The following SDK1 variants were observed in gnomAD, a reference collection of about 807,000 sequenced individuals.
SDK1 encodes protein sidekick-1.
SDK1 carries 157 observed loss-of-function variants against 245.5 expected under a neutral mutation model. The observed-to-expected ratio is 0.64, with a 90% CI of 0.56 to 0.73. The LOEUF is 0.73. Among genes scored for constraint, SDK1 ranks in the 30% least tolerant of loss-of-function variants. The pLI, the probability that SDK1 is intolerant of heterozygous loss-of-function variation, is 0.00. For synonymous variants in SDK1, 1,647 were observed against 1,278.5 expected (o/e 1.29, Z -6.15); for missense variants, 3,583 against 3,002.3 (o/e 1.19, Z -4.52).
chr7:4,050,473 G>A (rs1018959481), intron 18 of SDK1, among the ~76,000 whole-genome samples: 5 of 152,172 alleles, frequency 3.3e-5, no homozygotes, highest in Non-Finnish European at 4.4e-5. Context: ...TGATGACTTC[G>A]CTGTCAGTTT....
At chr7:3,737,229 C>T (rs1315153979) in intron 4 of SDK1, among the ~76,000 whole-genome samples, 1 of 152,202 alleles carries the variant, frequency 6.6e-6, no homozygotes, top group Non-Finnish European at 1.5e-5. Flanking sequence ...CTGGGCTCCG[C>T]AGTTGGACCG....
chr7:3,957,744 T>G (rs1473981027), intron 7 of SDK1, among the ~76,000 whole-genome samples: 1 of 152,182 alleles, frequency 6.6e-6, no homozygotes, highest in Admixed American at 6.5e-5. Context: ...GGGGGATGTA[T>G]GAGTTGTGCA....
intron 28 of SDK1, among the ~76,000 whole-genome samples, chr7:4,133,827 C>T (rs1438511914): frequency 6.6e-6 from 1 of 152,216 alleles, no homozygotes; most frequent in African/African-American, 2.4e-5. Context: ...CCATACCAGA[C>T]ACCCCGATTC....
intron 4 of SDK1, among the ~76,000 whole-genome samples, chr7:3,688,943 T>G (rs1412933323): frequency 6.6e-6 from 1 of 152,188 alleles, no homozygotes; most frequent in Non-Finnish European, 1.5e-5. Flanking sequence ...TCATGATTGC[T>G]CTAGGACAGG....
intron 1 of SDK1, among the ~76,000 whole-genome samples, chr7:3,449,704 C>T (rs1780452787): frequency 6.6e-6 from 1 of 152,188 alleles, no homozygotes; most frequent in African/African-American, 2.4e-5. Context: ...GCATTTAAAC[C>T]CAAAAGACAC....
rs376912408 is a variant in SDK1, at chr7:3,681,961, C to G, written c.713+39856C>G. ...TGTAGCCCAGTATCACAAGAATGGT[C>G]TCTGAGAGCATAACATAATCAAATG... On this transcript the variant is annotated intron_variant, in intron 4 of 44. Coordinates refer to ENST00000404826, the MANE Select transcript of SDK1 (RefSeq NM_152744.4). Among the ~76,000 whole-genome samples, 34 of 152,242 alleles carry G rather than the reference C, an allele frequency of 2.2e-4. No individual in the cohort carries two copies. In the South Asian group the frequency reaches 4.1e-3, roughly 19 times the overall value.
At chr7:3,547,468 C>T (rs951201457) in intron 1 of SDK1, among the ~76,000 whole-genome samples, 3 of 152,154 alleles carry the variant, frequency 2.0e-5, no homozygotes, top group Non-Finnish European at 4.4e-5. Flanking sequence ...TTAATAAACA[C>T]GTTGTTATAC....
At chr7:4,076,818 C>T (rs1441504097) in intron 20 of SDK1, among the ~76,000 whole-genome samples, 180 bp from the exon 21 acceptor site, 9 of 152,116 alleles carry the variant, frequency 5.9e-5, no homozygotes, top group Admixed American at 1.3e-4. Context: ...TCGCATTGGG[C>T]ACACAGAGGA....
intron 4 of SDK1, among the ~76,000 whole-genome samples, chr7:3,687,033 A>G (rs779051303): frequency 1.0e-4 from 15 of 146,034 alleles, no homozygotes; most frequent in Non-Finnish European, 1.9e-4. Flanking sequence ...CAGAATCTCC[A>G]AACTGGGTTG....
At chr7:3,954,620 C>T (rs1006065433) in intron 7 of SDK1, among the ~76,000 whole-genome samples, 3 of 132,354 alleles carry the variant, frequency 2.3e-5, no homozygotes, top group African/African-American at 8.9e-5. Flanking sequence ...CCCTCTACAC[C>T]TTCCCCTCTG....
chr7:4,228,552 C>G (rs568454557), intron 40 of SDK1, among the ~76,000 whole-genome samples: 1 of 152,298 alleles, frequency 6.6e-6, no homozygotes, highest in South Asian at 2.1e-4. Flanking sequence ...TTTCTCTTTT[C>G]TTTTTGAAAC....
At chr7:4,162,570 T>C (rs1446530125) in intron 32 of SDK1, among the ~76,000 whole-genome samples, 1 of 151,926 alleles carries the variant, frequency 6.6e-6, no homozygotes, top group Non-Finnish European at 1.5e-5. Flanking sequence ...CAACTAACTT[T>C]TGTATTTTTA....
chr7:3,990,473 T>C (rs1231998537), intron 14 of SDK1, among the ~76,000 whole-genome samples: 1 of 152,228 alleles, frequency 6.6e-6, no homozygotes, highest in Non-Finnish European at 1.5e-5. Context: ...CTGATTCAGA[T>C]AACTTCTGAG....
intron 15 of SDK1, among the ~76,000 whole-genome samples, chr7:4,011,475 T>A (rs575481961): frequency 5.9e-5 from 9 of 152,318 alleles, no homozygotes; most frequent in African/African-American, 2.2e-4. Flanking sequence ...TGCCACAGTC[T>A]TAGCAAGTCA....
chr7:4,193,161 A>G (rs953812147), intron 35 of SDK1, among the ~76,000 whole-genome samples: 1 of 135,048 alleles, frequency 7.4e-6, no homozygotes, highest in Non-Finnish European at 1.5e-5. Flanking sequence ...TATAATATAT[A>G]TTAAAATATT....
chr7:3,674,362 G>A (rs1345529342), intron 4 of SDK1, among the ~76,000 whole-genome samples: 2 of 152,122 alleles, frequency 1.3e-5, no homozygotes, highest in Non-Finnish European at 1.5e-5. Flanking sequence ...AGCAGGGTGG[G>A]AGAGACCTAG....
intron 7 of SDK1, among the ~76,000 whole-genome samples, chr7:3,956,991 C>A (rs978127268): frequency 3.9e-5 from 6 of 152,148 alleles, no homozygotes; most frequent in Non-Finnish European, 8.8e-5. Flanking sequence ...TAGGTGCCGA[C>A]CATTGTTATC....
intron 5 of SDK1, among the ~76,000 whole-genome samples, chr7:3,878,595 T>C (rs1781129461): frequency 6.6e-6 from 1 of 152,220 alleles, no homozygotes; most frequent in Admixed American, 6.5e-5. Flanking sequence ...TCATGACAAC[T>C]ATTAACACTG....
At chr7:3,965,369 A>T (rs942545098) in intron 9 of SDK1, among the ~76,000 whole-genome samples, 1 of 152,132 alleles carries the variant, frequency 6.6e-6, no homozygotes, top group Admixed American at 6.5e-5. Flanking sequence ...TAGGATTCTC[A>T]TGAGGGTCAG....
Sources: allele counts gnomAD v4.1 joint callset (sites outside exome capture counted in the v4.1 genomes callset), GRCh38; gene constraint gnomAD v4.1.1; transcripts MANE v1.5; gene names NCBI Gene and HGNC (gene_info 2026-07-23, HGNC 2026-07-21).